PTPRS: variants seen among roughly 807,000 people sequenced by gnomAD.
PTPRS encodes the protein protein tyrosine phosphatase receptor type S.
Under a neutral mutation model 215.3 loss-of-function variants are expected in PTPRS, and 63 were observed. That is an observed-to-expected ratio of 0.29 (90% CI 0.24 to 0.36). PTPRS has a LOEUF of 0.36. Ranked by LOEUF, PTPRS falls within the 10% of genes least tolerant of loss-of-function variation. The probability of loss-of-function intolerance (pLI) is 1.00; values close to 1 mark genes in which losing one functional copy is unlikely to be tolerated. For synonymous variants in PTPRS, 1,404 were observed against 1,191.4 expected (o/e 1.18, Z -3.68); for missense variants, 2,258 against 2,825.8 (o/e 0.80, Z 4.56).
At chr19:5,298,274 C>A (rs901210043) in intron 1 of PTPRS, among the ~76,000 whole-genome samples, 2 of 152,138 alleles carry the variant, frequency 1.3e-5, no homozygotes, top group Non-Finnish European at 2.9e-5. Flanking sequence ...CAGCTGTGTC[C>A]CTTCGTCTCC....
intron 9 of PTPRS, among the ~76,000 whole-genome samples, chr19:5,248,159 T>G (rs2044674776): frequency 6.6e-6 from 1 of 151,262 alleles, no homozygotes; most frequent in African/African-American, 2.4e-5. Flanking sequence ...GAGGCACAGG[T>G]AAGATGCCAA....
intron 1 of PTPRS, among the ~76,000 whole-genome samples, chr19:5,317,132 C>G (rs2049898480): frequency 6.6e-6 from 1 of 152,192 alleles, no homozygotes; most frequent in East Asian, 1.9e-4. Context: ...AACAATGCCT[C>G]ATGCATAGCA....
At chr19:5,224,803 G>A (rs1382552560) in intron 17 of PTPRS, among the ~76,000 whole-genome samples, 2 of 152,304 alleles carry the variant, frequency 1.3e-5, no homozygotes, top group African/African-American at 2.4e-5. Context: ...GCTGGAGGAC[G>A]CAGACAAGGT....
Position 5,257,979 on chromosome 19 carries a change from C to G in PTPRS, c.706+38G>C. 2 of 1,555,868 alleles carry G rather than the reference C, an allele frequency of 1.3e-6. No individual in the cohort carries two copies. Among genetic ancestry groups the G allele is most frequent in the Non-Finnish European group, 8.8e-7 (1 of 1,134,092 alleles). On this transcript the variant is annotated intron_variant, in intron 8 of 37. Coordinates refer to ENST00000262963, the MANE Select transcript of PTPRS (RefSeq NM_002850.4). This position sits in a 1 kb window ranked among gnomAD's most constrained non-coding sequence, Gnocchi z 4.4. The stretch of plus-strand genomic sequence containing the variant: ...GAGGAGGGAGGGGGATGGGACGGGG[C>G]GGGTCCCTGCCTTTGACCTGGACGC...
rs946075831 is a variant in PTPRS, at chr19:5,219,975, G to A, written c.3729C>T (p.Val1243=). The change falls in exon 22 of 38, where the codon GTC becomes GTT. Residue 1243 remains valine, a synonymous_variant. Transcript: ENST00000262963. ...TCTGAAGCACGGCAAGCACGAAGAGGACATAGCGGTGGCCGGGCTCCAGGC... is the reference window on the plus strand; with the variant it reads ...TCTGAAGCACGGCAAGCACGAAGAGAACATAGCGGTGGCCGGGCTCCAGGC... ...NRGLEPGHRY[V]LFVLAVLQKS... is the part of the protein sequence containing the mutation. The A allele has an allele frequency of 1.2e-6, 2 of 1,613,938 alleles. No homozygotes were observed. The highest frequency in any genetic ancestry group is 1.7e-6 in the Non-Finnish European group (2 of 1,180,000).
In PTPRS at chr19:5,207,776, A is replaced by C. The variant is rs926451969; in HGVS notation, c.5778+146T>G. The C allele has an allele frequency of 3.4e-5, 40 of 1,180,748 alleles. No homozygotes were observed. In the African/African-American group the frequency reaches 6.0e-4, roughly 18 times the overall value. 73.1% of individuals were successfully genotyped at this position (1,180,748 alleles called of 1,614,324 possible). A position where few individuals can be genotyped will look rare whatever the true frequency, so the allele number is the denominator to read the frequency against. ...TTAAAAGGGTTACTGGTCCCCTTCC[A>C]GTGCGGGAGGGGTCTGTGGACCGTC... On this transcript the variant is annotated intron_variant, in intron 37 of 37. Transcript: ENST00000262963.
chr19:5,255,995 TGTGTGTCAGC>T (rs2146211560), intron 9 of PTPRS, 103 bp downstream of exon 9: 2 of 729,668 alleles, frequency 2.7e-6, no homozygotes, highest in African/African-American at 1.8e-5. Context: ...TTTTTCCGTG[TGTGTGTCAGC>T]GTGTGTCCGT....
In PTPRS at chr19:5,231,172, G is replaced by A; in HGVS notation, c.2155+138C>T. 4.3e-6 allele frequency: 4 copies of A among 920,702 alleles called. No individual in the cohort carries two copies. The Admixed American group carries it at 1.2e-4, about 27-fold the overall frequency. The allele number at this position is 920,702 out of a possible 1,614,324, so 57.0% of individuals were successfully genotyped here. A position where few individuals can be genotyped will look rare whatever the true frequency, so the allele number is the denominator to read the frequency against. On this transcript the variant is annotated intron_variant, in intron 14 of 37. Transcript: ENST00000262963. ...GTCAAGGAGCCCCGGATTTCTCGGG[G>A]AGGCTGCTTGCTTCCCGACTTCCTC...
At chr19:5,303,954 A>AAAAAAAAAAAAAAAATAAAATAAAAAT in intron 1 of PTPRS, among the ~76,000 whole-genome samples, 1 of 132,254 alleles carries the variant, frequency 7.6e-6, no homozygotes, top group African/African-American at 3.1e-5. Flanking sequence ...CTGTCTCAAA[A>AAAAAAAAAAAAAAAATAAAATAAAAAT]AATAATAATA....
intron 24 of PTPRS, 66 bp downstream of exon 24, chr19:5,218,721 C>T (rs2041709873): frequency 6.3e-7 from 1 of 1,582,738 alleles, no homozygotes; most frequent in East Asian, 2.2e-5. Flanking sequence ...TGTGGGCACA[C>T]TATCAGCCCA....
intron 1 of PTPRS, among the ~76,000 whole-genome samples, chr19:5,323,073 G>C (rs986737089): frequency 6.6e-6 from 1 of 152,014 alleles, no homozygotes; most frequent in Admixed American, 6.6e-5. Context: ...TGAAGCATTC[G>C]AGGCTGGGAG....
intron 35 of PTPRS, among the ~76,000 whole-genome samples, chr19:5,208,759 A>C (rs531989372): frequency 4.7e-4 from 72 of 151,738 alleles, no homozygotes; most frequent in African/African-American, 1.7e-3. Context: ...CATCCTCACC[A>C]CTTCTTGCCA....
intron 11 of PTPRS, among the ~76,000 whole-genome samples, chr19:5,243,087 G>C (rs2044179779): frequency 6.6e-6 from 1 of 151,838 alleles, no homozygotes; most frequent in African/African-American, 2.4e-5. Context: ...TTGAGTAGCT[G>C]GGACTACAGG....
intron 1 of PTPRS, among the ~76,000 whole-genome samples, chr19:5,323,094 C>T (rs912436124): frequency 6.6e-6 from 1 of 151,952 alleles, no homozygotes; most frequent in Non-Finnish European, 1.5e-5. Flanking sequence ...AGGTGGCTCA[C>T]GCCTCTAATC....
At chr19:5,207,182 TCAAGTGATTCTCCTGCCTGAGCCTCC>T (rs1446116044) in intron 37 of PTPRS, among the ~76,000 whole-genome samples, 2 of 152,236 alleles carry the variant, frequency 1.3e-5, no homozygotes, top group Non-Finnish European at 2.9e-5. Flanking sequence ...TCTCCTGGGT[TCAAGTGATTCTCCTGCCTGAGCCTCC>T]CAAGTAGCTG....
chr19:5,308,052 GA>G (rs1305387918), intron 1 of PTPRS, among the ~76,000 whole-genome samples: 1 of 152,214 alleles, frequency 6.6e-6, no homozygotes, highest in African/African-American at 2.4e-5. Flanking sequence ...GGGAAAGAGA[GA>G]GGGGAGAGGA....
intron 1 of PTPRS, chr19:5,292,836 G>A (rs999570747): frequency 2.6e-4 from 39 of 152,404 alleles, no homozygotes; most frequent in Admixed American, 3.3e-4. Flanking sequence ...CTCCGCCCCC[G>A]GGAGGTGGGG....
chr19:5,336,264 G>GT (rs941756184), intron 1 of PTPRS, among the ~76,000 whole-genome samples: 1 of 62,010 alleles, frequency 1.6e-5, no homozygotes, highest in Non-Finnish European at 2.8e-5. Context: ...TAAAGGAAAA[G>GT]GGGGGGGGGC....
intron 6 of PTPRS, among the ~76,000 whole-genome samples, 154 bp downstream of exon 6, chr19:5,262,810 G>A (rs943343202): frequency 6.6e-6 from 1 of 152,046 alleles, no homozygotes; most frequent in Admixed American, 6.6e-5. Context: ...GGCCGGTCGC[G>A]GGGAGGAGGG....
Sources: allele counts gnomAD v4.1 joint callset (sites outside exome capture counted in the v4.1 genomes callset), GRCh38; gene constraint gnomAD v4.1.1; non-coding constraint Gnocchi (gnomAD v3.1); transcripts MANE v1.5; gene names NCBI Gene and HGNC (gene_info 2026-07-23, HGNC 2026-07-21).